Variants in WWOX observed in about 807,000 individuals in gnomAD.
WWOX encodes WW domain containing oxidoreductase.
A neutral mutation model predicts 46.2 loss-of-function variants in WWOX; 69 were observed. The ratio of observed to expected loss-of-function variants is 1.49; its 90% confidence interval spans 1.23 to 1.82. The LOEUF (loss-of-function observed/expected upper bound fraction) is 1.82. Among genes scored for constraint, WWOX ranks in the 40% most tolerant of loss-of-function variants. The pLI is 0.00. For synonymous variants in WWOX, 359 were observed against 202.6 expected, an observed-to-expected ratio of 1.77 and a Z score of -6.56; for missense variants, 919 against 542.6, an observed-to-expected ratio of 1.69 and a Z score of -6.89.
At chr16:78,203,692 G>C (rs1258115418) in intron 5 of WWOX, among the ~76,000 whole-genome samples, 2 of 152,138 alleles carry the variant, frequency 1.3e-5, no homozygotes, top group Admixed American at 6.5e-5. Flanking sequence ...ATAGGTGAGA[G>C]CATAAAACTA....
rs558279093 is a variant in WWOX, at chr16:78,409,138, G to A, written c.606-15732G>A. 2.0e-4 allele frequency among the ~76,000 whole-genome samples: 31 copies of A among 151,852 alleles called. No homozygotes were observed. In the South Asian group the frequency reaches 4.0e-3, roughly 19 times the overall value. ...ATTATTCACAGATGTATACACAGTG[G>A]CTCACTCCAGGTAGGATGTGATCAG... On this transcript the variant is annotated intron_variant, in intron 6 of 8. Coordinates refer to ENST00000566780, the MANE Select transcript of WWOX (RefSeq NM_016373.4).
chr16:78,818,166 C>A (rs934891167), intron 8 of WWOX, among the ~76,000 whole-genome samples: 1 of 152,206 alleles, frequency 6.6e-6, no homozygotes. Flanking sequence ...AGGATGTGCC[C>A]TTGCAGAAGG....
chr16:78,743,760 C>T (rs1015353628), intron 8 of WWOX, among the ~76,000 whole-genome samples: 2 of 152,154 alleles, frequency 1.3e-5, no homozygotes, highest in East Asian at 3.9e-4. Flanking sequence ...CACAACCTAT[C>T]AGACATTTGC....
At chr16:78,497,599 C>A (rs942467011) in intron 8 of WWOX, among the ~76,000 whole-genome samples, 1 of 152,146 alleles carries the variant, frequency 6.6e-6, no homozygotes, top group Non-Finnish European at 1.5e-5. Flanking sequence ...GTACACACAG[C>A]GTAAATGCAA....
intron 8 of WWOX, among the ~76,000 whole-genome samples, chr16:79,129,639 T>G (rs1366554284): frequency 1.3e-5 from 2 of 152,116 alleles, no homozygotes; most frequent in Non-Finnish European, 1.5e-5. Context: ...CAAATGAAAT[T>G]CATTTCACAT....
At chr16:78,298,103 G>T (rs985022164) in intron 5 of WWOX, among the ~76,000 whole-genome samples, 4 of 152,118 alleles carry the variant, frequency 2.6e-5, no homozygotes, top group Non-Finnish European at 4.4e-5. Flanking sequence ...GGACATATTT[G>T]CTTCTCCTTC....
At chr16:78,727,510 C>T (rs989434863) in intron 8 of WWOX, among the ~76,000 whole-genome samples, 16 of 152,166 alleles carry the variant, frequency 1.1e-4, no homozygotes, top group African/African-American at 3.9e-4. Context: ...TAGCGAGTCC[C>T]AGTGAAAGCA....
At chr16:78,293,038 A>T (rs1049333515) in intron 5 of WWOX, among the ~76,000 whole-genome samples, 15 of 152,146 alleles carry the variant, frequency 9.9e-5, no homozygotes, top group African/African-American at 3.4e-4. Context: ...TCTTGGCCTG[A>T]CCTGTCAACC....
intron 6 of WWOX, among the ~76,000 whole-genome samples, chr16:78,411,777 G>A (rs893321539): frequency 3.3e-5 from 5 of 152,186 alleles, no homozygotes; most frequent in Admixed American, 6.5e-5. Flanking sequence ...AAGGAACAGA[G>A]CTAGAAACAT....
chr16:78,311,213 G>A (rs1302399916), intron 5 of WWOX, among the ~76,000 whole-genome samples: 1 of 152,162 alleles, frequency 6.6e-6, no homozygotes, highest in African/African-American at 2.4e-5. Flanking sequence ...GCACAGTGTG[G>A]TTGGACTGGT....
rs186298872 is a variant in WWOX at position 78,856,534 on chromosome 16, T to A, written c.1057-355074T>A. Among the ~76,000 whole-genome samples, 15 of 152,186 alleles carry A rather than the reference T, an allele frequency of 9.9e-5. No individual in the cohort carries two copies. The East Asian group carries it at 2.7e-3, about 28-fold the overall frequency. On this transcript the variant is annotated intron_variant, in intron 8 of 8. Coordinates refer to ENST00000566780, the MANE Select transcript of WWOX (RefSeq NM_016373.4). The stretch of plus-strand genomic sequence containing the variant: ...GGTACACCCCTGTAATAGCAGCTAC[T>A]CAGGAGTCTGAGGCAGGAGAATCCC...
At chr16:78,742,380 G>A (rs1003605926) in intron 8 of WWOX, among the ~76,000 whole-genome samples, 2 of 152,192 alleles carry the variant, frequency 1.3e-5, no homozygotes, top group Non-Finnish European at 2.9e-5. Flanking sequence ...TCTGGCTCAG[G>A]TTAAGTGTTT....
At chr16:78,831,338 C>G (rs1175131986) in intron 8 of WWOX, among the ~76,000 whole-genome samples, 1 of 152,194 alleles carries the variant, frequency 6.6e-6, no homozygotes, top group African/African-American at 2.4e-5. Context: ...TGACCAGCCT[C>G]CAAGATGTAT....
chr16:78,699,255 A>G (rs1021508800), intron 8 of WWOX, among the ~76,000 whole-genome samples: 1 of 152,102 alleles, frequency 6.6e-6, no homozygotes, highest in African/African-American at 2.4e-5. Flanking sequence ...TTCATGCAGC[A>G]CGGTGTGATG....
At chr16:78,758,429 G>A (rs914173327) in intron 8 of WWOX, among the ~76,000 whole-genome samples, 1 of 152,190 alleles carries the variant, frequency 6.6e-6, no homozygotes, top group Admixed American at 6.5e-5. Context: ...GCAGGGTCCA[G>A]GAGCCACCTT....
rs1199687707 is a variant in WWOX at position 79,102,635 on chromosome 16, A to T, written c.1057-108973A>T. 2.0e-5 allele frequency among the ~76,000 whole-genome samples: 3 copies of T among 152,136 alleles called. No individual in the cohort carries two copies. The East Asian group carries it at 5.8e-4, about 29-fold the overall frequency. On this transcript the variant is annotated intron_variant, in intron 8 of 8. Coordinates refer to ENST00000566780, the MANE Select transcript of WWOX (RefSeq NM_016373.4). ...AATGATCTCATTAAACAAGAAACATATATACAGTGCCTACCTAGGAAAGAG... is the reference window on the plus strand; with the variant it reads ...AATGATCTCATTAAACAAGAAACATTTATACAGTGCCTACCTAGGAAAGAG...
At chr16:78,774,776 C>G (rs1270729015) in intron 8 of WWOX, among the ~76,000 whole-genome samples, 1 of 152,150 alleles carries the variant, frequency 6.6e-6, no homozygotes, top group Admixed American at 6.5e-5. Flanking sequence ...CAATTCCTGG[C>G]ACATGGCATT....
intron 8 of WWOX, among the ~76,000 whole-genome samples, chr16:79,018,661 T>C (rs952924299): frequency 6.6e-6 from 1 of 152,124 alleles, no homozygotes; most frequent in Non-Finnish European, 1.5e-5. Flanking sequence ...CATATCATGC[T>C]CACCCCAATC....
rs538226863 is a variant in WWOX, at chr16:78,542,315, A to G, written c.1056+109563A>G. Among the ~76,000 whole-genome samples the G allele has an allele frequency of 3.3e-5, 5 of 152,212 alleles. No individual in the cohort carries two copies. The South Asian group carries it at 1.0e-3, about 32-fold the overall frequency. On this transcript the variant is annotated intron_variant, in intron 8 of 8. Transcript: ENST00000566780. ...GGAGACTTTGACTCTAGATGACATG[A>G]TGTACCCTGTGTTCTGCAAGCTGGA...
Sources: allele counts gnomAD v4.1 joint callset (sites outside exome capture counted in the v4.1 genomes callset), GRCh38; gene constraint gnomAD v4.1.1; transcripts MANE v1.5; gene names NCBI Gene and HGNC (gene_info 2026-07-23, HGNC 2026-07-21).